NID2: variants seen among roughly 807,000 people sequenced by gnomAD.
NID2 encodes the protein nidogen 2.
NID2 carries 83 observed loss-of-function variants against 145.4 expected under a neutral mutation model. The ratio of observed to expected loss-of-function variants is 0.57; its 90% CI spans 0.48 to 0.69. The LOEUF (loss-of-function observed/expected upper bound fraction) is 0.69, where lower values mean the gene tolerates loss of function less well. NID2 is among the 30% of genes least tolerant of loss of function. The pLI is 0.00. For synonymous variants in NID2, 739 were observed against 701.3 expected, an observed-to-expected ratio of 1.05 and a Z score of -0.85; for missense variants, 1,807 against 1,765.7, an observed-to-expected ratio of 1.02 and a Z score of -0.42.
In NID2 at chr14:52,008,117, C is replaced by T. The variant is rs1019179902; in HGVS notation, c.3723-150G>A. On this transcript the variant is annotated intron_variant, in intron 18 of 21. Coordinates refer to ENST00000216286, the MANE Select transcript of NID2 (RefSeq NM_007361.4). ...GGGCTGCATTAGTAGTGTCTTGCTT[C>T]TTCTAGTGCATAGAGTATAGCAGAA... The T allele has an allele frequency of 4.9e-6, 3 of 607,802 alleles. No homozygotes were observed. The African/African-American group carries it at 5.6e-5, about 11-fold the overall frequency. 37.7% of individuals were successfully genotyped at this position (607,802 alleles called of 1,614,324 possible).
At chr14:52,065,256 A>T (rs781410398) in intron 2 of NID2, among the ~76,000 whole-genome samples, 11 of 152,180 alleles carry the variant, frequency 7.2e-5, no homozygotes, top group Non-Finnish European at 1.5e-4. Flanking sequence ...TAACTTTGCA[A>T]TATAAAGTTA....
chr14:52,014,544 C>G, intron 15 of NID2, 88 bp from the exon 16 acceptor site: 1 of 1,345,532 alleles, frequency 7.4e-7, no homozygotes, highest in South Asian at 1.4e-5. Context: ...ATACCAGAGC[C>G]TCCAAAAATA....
intron 8 of NID2, among the ~76,000 whole-genome samples, chr14:52,040,251 A>ATTTTT (rs11423537): frequency 4.7e-5 from 7 of 147,408 alleles, no homozygotes; most frequent in African/African-American, 1.7e-4. Context: ...TCTTTCTGTG[A>ATTTTT]TTTTTTTTTT....
At chr14:52,028,568 C>G in intron 11 of NID2, 154 bp downstream of exon 11, 1 of 831,950 alleles carries the variant, frequency 1.2e-6, no homozygotes, top group Non-Finnish European at 1.8e-6. Context: ...GCCACCACAT[C>G]CAGCCAGCTT....
intron 3 of NID2, among the ~76,000 whole-genome samples, chr14:52,058,359 A>G (rs558717546): frequency 6.6e-6 from 1 of 152,354 alleles, no homozygotes; most frequent in East Asian, 1.9e-4. Flanking sequence ...GTGATCATGG[A>G]TAACTTTTAC....
chr14:52,053,885 C>A lies in NID2; in HGVS notation c.1123G>T (p.Gly375Trp). Residue 375 changes from glycine to tryptophan, a missense_variant, in exon 5 of 22, where the codon GGG becomes TGG. Gly to Trp is a radical substitution (Grantham distance 184). Transcript: ENST00000216286. ...ACTTGGCCTTTTAAATCTGGGCCCC[C>A]TACCTCTCCCAGAGATGTTCCTTCT... ...TKEGTSLGEV[G>W]GPDLKGQVEP... is the part of the protein sequence containing the mutation. The A allele has an allele frequency of 6.2e-7, 1 of 1,614,020 alleles. No homozygotes were observed. The highest frequency in any genetic ancestry group is 1.6e-4 in the Middle Eastern group (1 of 6,062).
At chr14:52,058,233 A>T (rs527262753) in intron 3 of NID2, among the ~76,000 whole-genome samples, 1 of 152,358 alleles carries the variant, frequency 6.6e-6, no homozygotes, top group African/African-American at 2.4e-5. Context: ...GACCCCTATA[A>T]GAAGTGATTA....
chr14:52,068,812 C>T lies in NID2; in HGVS notation c.183G>A (p.Leu61=), dbSNP rs1175293876. 4 of 1,610,140 alleles carry T rather than the reference C, an allele frequency of 2.5e-6. No homozygotes were observed. The African/African-American group carries it at 4.0e-5, about 16-fold the overall frequency. ...CTTCGTAGAAGTGCAGGGGATTCGCCAGCTTCACCACGGCTGAGCTTTCGT... is the reference window on the plus strand; with the variant it reads ...CTTCGTAGAAGTGCAGGGGATTCGCTAGCTTCACCACGGCTGAGCTTTCGT... ...GDDESSAVVK[L]ANPLHFYEAR... Residue 61 remains leucine, a synonymous_variant, in exon 1 of 22, where the codon CTG becomes CTA. Transcript: ENST00000216286.
At chr14:52,047,367 T>C (rs895082663) in intron 5 of NID2, among the ~76,000 whole-genome samples, 2 of 151,622 alleles carry the variant, frequency 1.3e-5, no homozygotes, top group African/African-American at 4.8e-5. Flanking sequence ...ACCCCACAGA[T>C]GAGGGCAGGC....
chr14:52,058,459 C>T (rs1162232362), intron 3 of NID2, among the ~76,000 whole-genome samples: 1 of 152,032 alleles, frequency 6.6e-6, no homozygotes, highest in East Asian at 1.9e-4. Context: ...GTCATTTGGC[C>T]CCATATCTTA....
intron 12 of NID2, among the ~76,000 whole-genome samples, chr14:52,026,337 C>T (rs1231195162): frequency 6.6e-6 from 1 of 152,210 alleles, no homozygotes; most frequent in Non-Finnish European, 1.5e-5. Context: ...CACACAGCAA[C>T]ACCAGGAGCA....
intron 5 of NID2, among the ~76,000 whole-genome samples, chr14:52,047,921 TTC>T (rs1259175976): frequency 6.6e-6 from 1 of 152,094 alleles, no homozygotes; most frequent in Admixed American, 6.5e-5. Flanking sequence ...CACCTGAGAT[TTC>T]TGTTAAAAAT....
chr14:52,053,878 G>A lies in NID2; in HGVS notation c.1130C>T (p.Pro377Leu), dbSNP rs1200404682. The A allele has an allele frequency of 1.2e-6, 2 of 1,614,030 alleles. No homozygotes were observed. Among genetic ancestry groups the A allele is most frequent in the Admixed American group, 1.7e-5 (1 of 60,008 alleles). ...EGTSLGEVGG[P>L]DLKGQVEPWD... ...GGGCTCAACTTGGCCTTTTAAATCT[G>A]GGCCCCCTACCTCTCCCAGAGATGT... Residue 377 changes from proline (P) to leucine (L), a missense_variant, in exon 5 of 22, where the codon CCA becomes CTA. Physicochemically the swap from Pro to Leu is moderately conservative, Grantham distance 98. Coordinates refer to ENST00000216286, the MANE Select transcript of NID2 (RefSeq NM_007361.4).
chr14:52,053,090 C>T (rs1892727958), intron 5 of NID2, among the ~76,000 whole-genome samples: 1 of 152,186 alleles, frequency 6.6e-6, no homozygotes, highest in Non-Finnish European at 1.5e-5. Flanking sequence ...TCTCCTCTCC[C>T]ACACATCACA....
intron 11 of NID2, among the ~76,000 whole-genome samples, chr14:52,027,742 T>G (rs1306304811): frequency 1.4e-5 from 2 of 146,026 alleles, no homozygotes; most frequent in African/African-American, 5.1e-5. Flanking sequence ...TTTTTTTTTT[T>G]GAGATGGAGT....
chr14:52,016,948 CGTTAA>C (rs1179289392), intron 14 of NID2, among the ~76,000 whole-genome samples: 10 of 152,268 alleles, frequency 6.6e-5, no homozygotes, highest in East Asian at 5.8e-4. Context: ...AAGCGAATGC[CGTTAA>C]GTTGTCACTG....
Position 52,018,764 on chromosome 14 carries a change from C to T in NID2, c.3028+297G>A, listed in dbSNP as rs141983646. ...CAGATCTCCCTAAGCTGCTCTATAA[C>T]AGGTCTAGGGTAGTGTTCTCAGTCT... On this transcript the variant is annotated intron_variant, in intron 14 of 21. Transcript: ENST00000216286. Among the ~76,000 whole-genome samples the T allele has an allele frequency of 2.6e-4, 39 of 152,350 alleles. 1 individual carries two copies. Among genetic ancestry groups the T allele is most frequent in the South Asian group, 1.2e-3 (6 of 4,826 alleles).
chr14:52,042,530 C>T (rs943921163), intron 6 of NID2, among the ~76,000 whole-genome samples, 180 bp from the exon 7 acceptor site: 1 of 51,828 alleles, frequency 1.9e-5, no homozygotes, highest in Non-Finnish European at 3.6e-5. Flanking sequence ...TGTTTTCTCC[C>T]CTCCTCCTTC....
intron 10 of NID2, among the ~76,000 whole-genome samples, chr14:52,029,332 C>T (rs148933679): frequency 6.6e-6 from 1 of 152,118 alleles, no homozygotes; most frequent in Non-Finnish European, 1.5e-5. Flanking sequence ...TTTCACAGCC[C>T]CGGTGCAAAA....
Sources: allele counts gnomAD v4.1 joint callset (sites outside exome capture counted in the v4.1 genomes callset), GRCh38; gene constraint gnomAD v4.1.1; transcripts MANE v1.5; gene names NCBI Gene and HGNC (gene_info 2026-07-23, HGNC 2026-07-21).